The following GMEB2 variants were observed in gnomAD, a reference collection of about 807,000 sequenced individuals.
GMEB2 encodes glucocorticoid modulatory element-binding protein 2.
GMEB2 carries 7 observed loss-of-function variants against 45.7 expected under a neutral mutation model. The observed-to-expected ratio is 0.15, with a 90% CI of 0.09 to 0.29. GMEB2 has a LOEUF of 0.29. GMEB2 is among the 10% of genes least tolerant of loss of function. The pLI is 1.00. For missense variants in GMEB2, 582 were observed against 739.2 expected (o/e 0.79, Z 2.47); for synonymous variants, 322 against 323.6 (o/e 1.00, Z 0.05).
chr20:63,589,659 C>A lies in GMEB2; in HGVS notation c.*430G>T. 5.7e-6 allele frequency: 1 copy of A among 176,604 alleles called. No homozygotes were observed. The highest frequency in any genetic ancestry group is 1.2e-5 in the Non-Finnish European group (1 of 84,974). The allele number at this position is 176,604 out of a possible 1,614,324, so 10.9% of individuals were successfully genotyped here. A position where few individuals can be genotyped will look rare whatever the true frequency, so the allele number is the denominator to read the frequency against. ...CATGAGTTAGTAACGTCCCCAGGGA[C>A]CTGGCTGGGTGCAGACATGGGGGCC... On this transcript the variant is annotated 3_prime_UTR_variant, in exon 10 of 10. Coordinates refer to ENST00000370077, the MANE Select transcript of GMEB2 (RefSeq NM_012384.5).
At chr20:63,600,159 C>T (rs1454391463) in intron 4 of GMEB2, among the ~76,000 whole-genome samples, 1 of 152,014 alleles carries the variant, frequency 6.6e-6, no homozygotes, top group African/African-American at 2.4e-5. Flanking sequence ...TCTCTTGCCT[C>T]AGCCTCCCGA....
Position 63,604,843 on chromosome 20 carries a change from GGT to G in GMEB2, c.132-5_132-4del. 1 of 1,574,690 alleles carries G rather than the reference GGT, an allele frequency of 6.4e-7. No homozygotes were observed. Among genetic ancestry groups the G allele is most frequent in the Non-Finnish European group, 8.7e-7 (1 of 1,143,926 alleles). On this transcript the variant is annotated splice_polypyrimidine_tract_variant and splice_region_variant and intron_variant, in intron 2 of 9. Coordinates refer to ENST00000370077, the MANE Select transcript of GMEB2 (RefSeq NM_012384.5). ...TGTTATCTTCCGTCAGGTCGCCCCT[GGT>G]GAAGTGAAGGGAGGAGAGAATAGAA... is the stretch of plus-strand genomic sequence containing the variant.
chr20:63,599,266 G>C (rs73315863), intron 4 of GMEB2, among the ~76,000 whole-genome samples: 12,712 of 151,756 alleles, frequency 0.084, 706 homozygotes, highest in African/African-American at 0.15. Context: ...CCACAGCCAC[G>C]TGGCCCTGCT....
At position 63,590,571 on chromosome 20, in the gene GMEB2, T is replaced by C. The variant is rs1239348474; in HGVS notation, c.1111A>G (p.Met371Val). ...LARATSGPAA[M>V]ASQVLTQSAQ... is the part of the protein sequence containing the mutation. ...GACTGGGTGAGCACCTGCGAGGCCA[T>C]GGCGGCCGGTCCTGATGTGGCACGT... Residue 371 changes from methionine to valine, a missense_variant, in exon 10 of 10, where the codon ATG becomes GTG. Physicochemically the swap from Met to Val is conservative, Grantham distance 21. This residue lies in a region of GMEB2 where 462 missense variants were observed against 586.7 expected (regional missense o/e 0.79). Coordinates refer to ENST00000370077, the MANE Select transcript of GMEB2 (RefSeq NM_012384.5). The C allele has an allele frequency of 1.9e-6, 3 of 1,568,510 alleles. No homozygotes were observed. Among genetic ancestry groups the C allele is most frequent in the African/African-American group, 1.4e-5 (1 of 74,048 alleles).
intron 1 of GMEB2, among the ~76,000 whole-genome samples, chr20:63,621,208 A>G (rs2089640445): frequency 1.3e-5 from 2 of 152,216 alleles, no homozygotes; most frequent in Admixed American, 1.3e-4. Flanking sequence ...AAAACGAAAA[A>G]GAAAGAAAGT....
At chr20:63,615,334 C>CT (rs1203542259) in intron 2 of GMEB2, among the ~76,000 whole-genome samples, 1 of 151,676 alleles carries the variant, frequency 6.6e-6, no homozygotes, top group Non-Finnish European at 1.5e-5. Context: ...TTCCTTTTTT[C>CT]TTTTTTTTGA....
chr20:63,604,773 C>T lies in GMEB2; in HGVS notation c.199G>A (p.Ala67Thr), dbSNP rs1366116247. The change falls in exon 3 of 10, where the codon GCC becomes ACC. Residue 67 changes from alanine to threonine, a missense_variant. By Grantham distance (58) the Ala-to-Thr change is moderately conservative. Around this residue, in one of 3 missense-constraint regions of GMEB2, gnomAD observed 114 missense variants for 123.4 expected, o/e 0.92. Coordinates refer to ENST00000370077, the MANE Select transcript of GMEB2 (RefSeq NM_012384.5). ...AAAAAAAAFT[A>T]SSQLKEAVLV... ...ACGGCTTCCTTGAGCTGGGAGGAGG[C>T]TGTGAAGGCCGCGGCAGCTGCTGCC... 1 of 1,610,704 alleles carries T rather than the reference C, an allele frequency of 6.2e-7. No homozygotes were observed. The highest frequency in any genetic ancestry group is 8.5e-7 in the Non-Finnish European group (1 of 1,176,970).
rs1420936548 is a variant in GMEB2, at chr20:63,619,571, A to C, written c.-57-117T>G. ...ACCCACCCTTGAGTCCCAGACTGCT[A>C]CCTCCTGACAAAAACGAGCGGCAAC... On this transcript the variant is annotated intron_variant, in intron 1 of 9. Coordinates refer to ENST00000370077, the MANE Select transcript of GMEB2 (RefSeq NM_012384.5). The surrounding 1 kb of genome is among the most constrained non-coding windows in gnomAD (Gnocchi z 4.6). The C allele has an allele frequency of 7.4e-6, 4 of 539,792 alleles. No homozygotes were observed. Among genetic ancestry groups the C allele is most frequent in the Non-Finnish European group, 1.3e-5 (4 of 318,272 alleles). The allele number at this position is 539,792 out of a possible 1,614,324, so 33.4% of individuals were successfully genotyped here.
intron 2 of GMEB2, among the ~76,000 whole-genome samples, chr20:63,612,328 C>A (rs575166190): frequency 1.3e-5 from 2 of 152,282 alleles, no homozygotes; most frequent in South Asian, 4.1e-4. Context: ...GCCACCTGCC[C>A]TGGAGCCCGT....
chr20:63,590,797 G>A (rs2083140571), intron 9 of GMEB2, 68 bp from the exon 10 acceptor site: 2 of 989,722 alleles, frequency 2.0e-6, no homozygotes, highest in African/African-American at 1.7e-5. Flanking sequence ...AGGGGATGGG[G>A]GCAGACACGC....
rs202193423 is a variant in GMEB2, at chr20:63,619,251, C to A, written c.131+16G>T. On this transcript the variant is annotated intron_variant, in intron 2 of 9. Transcript: ENST00000370077. The surrounding 1 kb of genome is among the most constrained non-coding windows in gnomAD (Gnocchi z 4.6). Reference sequence around the variant, plus strand: ...AAGCCCCCATCAGCCCCAATGGCACCGAGGCCCGAGCTTACCCGTGAGGGG... The same window carrying A: ...AAGCCCCCATCAGCCCCAATGGCACAGAGGCCCGAGCTTACCCGTGAGGGG... 1.3e-6 allele frequency: 2 copies of A among 1,599,028 alleles called. No individual in the cohort carries two copies. The highest frequency in any genetic ancestry group is 2.7e-5 in the African/African-American group (2 of 74,774).
chr20:63,610,980 A>C (rs1450958801), intron 2 of GMEB2, among the ~76,000 whole-genome samples: 1 of 152,180 alleles, frequency 6.6e-6, no homozygotes, highest in Non-Finnish European at 1.5e-5. Context: ...CCAGCCCACC[A>C]ATGCCCGGAT....
At chr20:63,614,106 C>G (rs574454582) in intron 2 of GMEB2, among the ~76,000 whole-genome samples, 1 of 152,032 alleles carries the variant, frequency 6.6e-6, no homozygotes, top group Non-Finnish European at 1.5e-5. Flanking sequence ...GGCAAGAGAC[C>G]GAGGGCACGA....
chr20:63,595,957 A>C (rs774403251), intron 5 of GMEB2, among the ~76,000 whole-genome samples, 190 bp from the exon 6 acceptor site: 7 of 152,212 alleles, frequency 4.6e-5, no homozygotes, highest in Non-Finnish European at 8.8e-5. Flanking sequence ...GCTGCTGAAG[A>C]AGCAGCCGGC....
chr20:63,595,844 G>T, intron 5 of GMEB2, 77 bp from the exon 6 acceptor site: 1 of 1,376,966 alleles, frequency 7.3e-7, no homozygotes, highest in Non-Finnish European at 1.0e-6. Context: ...CCTGACCTGG[G>T]CCATCCACCT....
rs887901793 is a variant in GMEB2 at position 63,593,792 on chromosome 20, C to T, written c.620-710G>A. Among the ~76,000 whole-genome samples, 41 of 152,278 alleles carry T rather than the reference C, an allele frequency of 2.7e-4. No individual in the cohort carries two copies. Among genetic ancestry groups the T allele is most frequent in the Non-Finnish European group, 8.8e-5 (6 of 68,020 alleles). ...ATCCAGGCACTTTGGGAGACTGAGG[C>T]GGGTGGATCACCTAAGGTCAGGAGT... On this transcript the variant is annotated intron_variant, in intron 6 of 9. Coordinates refer to ENST00000370077, the MANE Select transcript of GMEB2 (RefSeq NM_012384.5). This position sits in a 1 kb window ranked among gnomAD's most constrained non-coding sequence, Gnocchi z 4.7.
At chr20:63,602,916 A>C (rs2083251963) in intron 4 of GMEB2, 49 bp downstream of exon 4, 1 of 1,572,016 alleles carries the variant, frequency 6.4e-7, no homozygotes, top group South Asian at 1.1e-5. Flanking sequence ...AAGCAGTCAC[A>C]GACACCATGA....
Position 63,590,244 on chromosome 20 carries a change from A to G in GMEB2, c.1438T>C (p.Leu480=). Residue 480 remains leucine (L), a synonymous_variant, in exon 10 of 10, where the codon TTG becomes CTG. Transcript: ENST00000370077. ...TGCAGGGTGGGGCCCAGGCCAGGCA[A>G]CGTGAGCAGCTGTAGCGGGCTGACC... ...KVVSPLQLLT[L]PGLGPTLQNV... The G allele has an allele frequency of 6.2e-7, 1 of 1,612,262 alleles. No homozygotes were observed. The highest frequency in any genetic ancestry group is 1.1e-5 in the South Asian group (1 of 91,058).
chr20:63,597,337 T>A (rs1027214240), intron 5 of GMEB2, among the ~76,000 whole-genome samples: 1 of 151,970 alleles, frequency 6.6e-6, no homozygotes, highest in Non-Finnish European at 1.5e-5. Context: ...ATTTTTTTTT[T>A]ATTTTTAGTA....
Sources: gnomAD v4.1 joint callset for allele counts (sites outside exome capture counted in the v4.1 genomes callset) on GRCh38, gnomAD v4.1.1 for gene constraint, gnomAD v4.1.1 regional missense constraint, Gnocchi (gnomAD v3.1) non-coding constraint, MANE v1.5 for transcripts, NCBI Gene and HGNC (gene_info 2026-07-23, HGNC 2026-07-21) for gene names.